TACR3: variants seen among roughly 807,000 people sequenced by gnomAD.
TACR3 encodes the protein tachykinin receptor 3.
Under a neutral mutation model 35.0 loss-of-function variants are expected in TACR3, and 34 were observed. The ratio of observed to expected loss-of-function variants is 0.97; its 90% confidence interval spans 0.74 to 1.30. The LOEUF (loss-of-function observed/expected upper bound fraction) is 1.30, where lower values mean the gene tolerates loss of function less well. Ranked by LOEUF, TACR3 falls within the 50% of genes most tolerant of loss-of-function variation. The probability of loss-of-function intolerance (pLI) is 0.00; values close to 1 mark genes in which losing one functional copy is unlikely to be tolerated. For synonymous variants in TACR3, 233 were observed against 221.1 expected (o/e 1.05, Z -0.48); for missense variants, 558 against 591.7 (o/e 0.94, Z 0.59).
At chr4:103,600,539 T>C (rs911783883) in intron 3 of TACR3, among the ~76,000 whole-genome samples, 54 of 152,340 alleles carry the variant, frequency 3.5e-4, no homozygotes, top group African/African-American at 1.3e-3. Context: ...CTAGTTCTTT[T>C]AATTGTGATG....
intron 2 of TACR3, among the ~76,000 whole-genome samples, chr4:103,657,437 T>A (rs553492281): frequency 1.3e-5 from 2 of 152,152 alleles, no homozygotes; most frequent in African/African-American, 4.8e-5. Context: ...CTTAAATAAG[T>A]GCCTCCTAAT....
At position 103,704,105 on chromosome 4, in the gene TACR3, CAAAAAAAAAAAAAAAAAAA is replaced by C. The variant is rs59034473; in HGVS notation, c.548+15004_548+15022del. ...GGCAACAGAGTGAAACTCTATCTCA[CAAAAAAAAAAAAAAAAAAA>C]AAAAAAAAAAGAAAGAAAGAAAGGA... On this transcript the variant is annotated intron_variant, in intron 1 of 4. Transcript: ENST00000304883. 6.2e-5 allele frequency among the ~76,000 whole-genome samples: 4 copies of C among 64,612 alleles called. 1 individual carries two copies. The highest frequency in any genetic ancestry group is 8.3e-5 in the Non-Finnish European group (3 of 36,130). 42.4% of individuals were successfully genotyped at this position (64,612 alleles called of 152,430 possible).
intron 1 of TACR3, among the ~76,000 whole-genome samples, chr4:103,710,490 CT>C (rs201905507): frequency 0.12 from 17,774 of 152,028 alleles, 1,368 homozygotes; most frequent in East Asian, 0.37. Context: ...ACATATAAAG[CT>C]GTGTGTAGAG....
intron 3 of TACR3, among the ~76,000 whole-genome samples, chr4:103,636,962 A>G (rs984842696): frequency 6.3e-4 from 96 of 152,156 alleles, no homozygotes; most frequent in Admixed American, 4.3e-3. Flanking sequence ...TACCAACCAA[A>G]AAAAGTCCAG....
chr4:103,694,763 A>T (rs1462213708), intron 1 of TACR3, among the ~76,000 whole-genome samples: 1 of 152,144 alleles, frequency 6.6e-6, no homozygotes, highest in East Asian at 1.9e-4. Context: ...AGAATAAAAG[A>T]TTTGCTATAT....
intron 3 of TACR3, among the ~76,000 whole-genome samples, chr4:103,609,276 T>C (rs990564746): frequency 2.0e-5 from 3 of 152,160 alleles, no homozygotes; most frequent in Admixed American, 6.5e-5. Context: ...ACAAATGTTT[T>C]TGTAGGATGT....
At chr4:103,640,595 AT>A (rs201483090) in intron 3 of TACR3, among the ~76,000 whole-genome samples, 4 of 151,768 alleles carry the variant, frequency 2.6e-5, no homozygotes, top group Non-Finnish European at 5.9e-5. Context: ...TGGTTTACAA[AT>A]TTTTTCTCCT....
intron 1 of TACR3, among the ~76,000 whole-genome samples, chr4:103,712,708 T>A (rs1283352732): frequency 6.6e-6 from 1 of 151,946 alleles, no homozygotes; most frequent in East Asian, 1.9e-4. Flanking sequence ...TGGGAGAAAA[T>A]TTTTGCAATC....
chr4:103,631,809 A>G (rs1323866770), intron 3 of TACR3, among the ~76,000 whole-genome samples: 1 of 152,172 alleles, frequency 6.6e-6, no homozygotes, highest in African/African-American at 2.4e-5. Context: ...CTAGGCACTG[A>G]GAAGACAATG....
intron 3 of TACR3, among the ~76,000 whole-genome samples, chr4:103,651,731 C>T (rs907429025): frequency 5.9e-5 from 9 of 151,904 alleles, no homozygotes; most frequent in Admixed American, 5.9e-4. Flanking sequence ...TCAGGCTCAC[C>T]CAAGGCCCAT....
intron 1 of TACR3, among the ~76,000 whole-genome samples, chr4:103,697,646 G>A (rs1187442951): frequency 1.3e-5 from 2 of 151,744 alleles, no homozygotes; most frequent in Non-Finnish European, 2.9e-5. Context: ...GGATAGTCTC[G>A]ATCTCCTGAC....
chr4:103,681,141 A>C (rs1722077647), intron 1 of TACR3, among the ~76,000 whole-genome samples: 1 of 152,176 alleles, frequency 6.6e-6, no homozygotes, highest in Admixed American at 6.6e-5. Flanking sequence ...ATTTAAAAAA[A>C]TATTTACCAA....
At chr4:103,668,172 A>G (rs1293718439) in intron 1 of TACR3, among the ~76,000 whole-genome samples, 1 of 152,136 alleles carries the variant, frequency 6.6e-6, no homozygotes, top group Non-Finnish European at 1.5e-5. Flanking sequence ...AGAACCTTGG[A>G]TATGTTGTAG....
rs1450261870 is a variant in TACR3 at position 103,650,665 on chromosome 4, AATAAATATATATTATATC to A, written c.888+5511_888+5528del. ...TATTTAATATATATAAATATATATAAATAAATATATATTATATCATATATAATATATATTTATATATAT... is the reference window on the plus strand; with the variant it reads ...TATTTAATATATATAAATATATATAAATATATAATATATATTTATATATAT... On this transcript the variant is annotated intron_variant, in intron 3 of 4. Transcript: ENST00000304883. Among the ~76,000 whole-genome samples, 53 of 29,672 alleles carry A rather than the reference AATAAATATATATTATATC, an allele frequency of 1.8e-3. 1 individual carries two copies. Among genetic ancestry groups the A allele is most frequent in the African/African-American group, 0.017 (51 of 3,046 alleles). 19.5% of individuals were successfully genotyped at this position (29,672 alleles called of 152,430 possible). A position where few individuals can be genotyped will look rare whatever the true frequency, so the allele number is the denominator to read the frequency against.
intron 3 of TACR3, among the ~76,000 whole-genome samples, chr4:103,607,048 GC>G (rs1255894613): frequency 6.6e-6 from 1 of 151,998 alleles, no homozygotes. Context: ...TTGAATTTTG[GC>G]TTCATCCCTG....
intron 1 of TACR3, among the ~76,000 whole-genome samples, chr4:103,672,468 C>CG (rs1266163704): frequency 2.0e-5 from 3 of 152,278 alleles, no homozygotes; most frequent in Non-Finnish European, 2.9e-5. Flanking sequence ...ATATCTCTAT[C>CG]AGAGCTCTTG....
At chr4:103,654,048 C>T (rs1312615672) in intron 3 of TACR3, among the ~76,000 whole-genome samples, 1 of 139,744 alleles carries the variant, frequency 7.2e-6, no homozygotes, top group Non-Finnish European at 1.5e-5. Flanking sequence ...CAGGAAACAA[C>T]AGGTGCTGGA....
intron 1 of TACR3, among the ~76,000 whole-genome samples, chr4:103,697,976 TG>T (rs1722562086): frequency 6.6e-6 from 1 of 152,214 alleles, no homozygotes; most frequent in Admixed American, 6.5e-5. Flanking sequence ...TAACTTCTTA[TG>T]TAGGAAAGAT....
intron 1 of TACR3, among the ~76,000 whole-genome samples, chr4:103,688,509 G>C (rs998679432): frequency 6.7e-6 from 1 of 149,932 alleles, no homozygotes; most frequent in Non-Finnish European, 1.5e-5. Flanking sequence ...TCTGACAAAG[G>C]GCTAATATCC....
Sources: allele counts gnomAD v4.1 joint callset (sites outside exome capture counted in the v4.1 genomes callset), GRCh38; gene constraint gnomAD v4.1.1; transcripts MANE v1.5; gene names NCBI Gene and HGNC (gene_info 2026-07-23, HGNC 2026-07-21).